ASAH2: variants seen among roughly 807,000 people sequenced by gnomAD.
ASAH2 encodes neutral ceramidase.
ASAH2 carries 58 observed loss-of-function variants against 82.9 expected under a neutral mutation model. The observed-to-expected ratio is 0.70, with a 90% CI of 0.57 to 0.87. ASAH2 has a LOEUF of 0.87. Ranked by LOEUF, ASAH2 falls within the 40% of genes least tolerant of loss-of-function variation. ASAH2 has a pLI of 0.00. For missense variants in ASAH2, 779 were observed against 834.0 expected, an observed-to-expected ratio of 0.93 and a Z score of 0.81; for synonymous variants, 276 against 289.7, an observed-to-expected ratio of 0.95 and a Z score of 0.48.
At chr10:50,231,058 A>AC (rs1736770715) in intron 7 of ASAH2, among the ~76,000 whole-genome samples, 1 of 151,934 alleles carries the variant, frequency 6.6e-6, no homozygotes, top group Admixed American at 6.6e-5. Context: ...AAAAAAAAAA[A>AC]AAGGTTCAAA....
At chr10:50,218,314 G>A (rs1395288250) in intron 8 of ASAH2, among the ~76,000 whole-genome samples, 196 bp downstream of exon 8, 2 of 152,122 alleles carry the variant, frequency 1.3e-5, no homozygotes, top group African/African-American at 4.8e-5. Context: ...AACACAAAAA[G>A]CAAATGGTTA....
intron 12 of ASAH2, among the ~76,000 whole-genome samples, chr10:50,206,578 A>ACACACACACACAC (rs1845304785): frequency 2.0e-5 from 3 of 150,558 alleles, no homozygotes; most frequent in African/African-American, 4.9e-5. Context: ...ACACACACAC[A>ACACACACACACAC]AAGCAGTAAA....
chr10:50,242,848 G>T lies in ASAH2; in HGVS notation c.510+354C>A, dbSNP rs372160014. On this transcript the variant is annotated intron_variant, in intron 4 of 20. Coordinates refer to ENST00000682911, the MANE Select transcript of ASAH2 (RefSeq NM_019893.4). ...CAATTGTCTGAGAACTTGAAGAAGT[G>T]CTTAGTGATTAATGGGTGCTCTCCC... 1.2e-4 allele frequency among the ~76,000 whole-genome samples: 19 copies of T among 152,242 alleles called. No individual in the cohort carries two copies. The East Asian group carries it at 3.7e-3, about 29-fold the overall frequency.
At chr10:50,202,369 G>C (rs1845172891) in intron 16 of ASAH2, among the ~76,000 whole-genome samples, 1 of 151,980 alleles carries the variant, frequency 6.6e-6, no homozygotes, top group Non-Finnish European at 1.5e-5. Context: ...CTGGGACTCT[G>C]TTTCTTGATA....
chr10:50,202,846 T>C lies in ASAH2; in HGVS notation c.1744A>G (p.Thr582Ala), dbSNP rs1291942814. 32 of 1,608,734 alleles carry C rather than the reference T, an allele frequency of 2.0e-5. No individual in the cohort carries two copies. Among genetic ancestry groups the C allele is most frequent in the East Asian group, 6.7e-5 (3 of 44,764 alleles). The change falls in exon 16 of 21, where the codon ACT becomes GCT. Residue 582 changes from threonine (T) to alanine (A), a missense_variant. Physicochemically the swap from Thr to Ala is moderately conservative, Grantham distance 58. Around this residue, in one of 3 missense-constraint regions of ASAH2, gnomAD observed 759 missense variants for 755.2 expected, o/e 1.00. Transcript: ENST00000682911. ...LCNVYTHYIT[T>A]YEEYQAQRYE... ...TGCTTTACCTGGTATTCTTCATAAG[T>C]GGTAATGTAATGTGTATAGACGTTG... is the stretch of plus-strand genomic sequence containing the variant.
chr10:50,219,816 G>A (rs1022510475), intron 7 of ASAH2, among the ~76,000 whole-genome samples: 1 of 152,234 alleles, frequency 6.6e-6, no homozygotes, highest in African/African-American at 2.4e-5. Flanking sequence ...ACACAAATGA[G>A]TCATGCTAGT....
chr10:50,224,259 G>A (rs887685310), intron 7 of ASAH2, among the ~76,000 whole-genome samples: 19 of 151,982 alleles, frequency 1.3e-4, no homozygotes, highest in Non-Finnish European at 2.4e-4. Context: ...TACCAAGAAT[G>A]GAATAAATGT....
At position 50,235,892 on chromosome 10, in the gene ASAH2, A is replaced by C; in HGVS notation, c.683T>G (p.Leu228Trp). The C allele has an allele frequency of 6.2e-7, 1 of 1,613,228 alleles. No homozygotes were observed. The highest frequency in any genetic ancestry group is 8.5e-7 in the Non-Finnish European group (1 of 1,179,306). The change falls in exon 5 of 21, where the codon TTG becomes TGG. Residue 228 changes from leucine to tryptophan, a missense_variant. Around this residue, in one of 3 missense-constraint regions of ASAH2, gnomAD observed 759 missense variants for 755.2 expected, o/e 1.00. Coordinates refer to ENST00000682911, the MANE Select transcript of ASAH2 (RefSeq NM_019893.4). ...QTFQHMVTGI[L>W]KSIDIAHTNM... ...CCTCTGGGGCTCTTTGCCTACCTTCAAGATACCAGTGACCATGTGCTGAAA... is the reference window on the plus strand; with the variant it reads ...CCTCTGGGGCTCTTTGCCTACCTTCCAGATACCAGTGACCATGTGCTGAAA...
At chr10:50,242,735 A>G (rs1437665562) in intron 4 of ASAH2, among the ~76,000 whole-genome samples, 1 of 152,114 alleles carries the variant, frequency 6.6e-6, no homozygotes, top group Non-Finnish European at 1.5e-5. Flanking sequence ...CTATGTGCCT[A>G]TTACCCAGCT....
intron 13 of ASAH2, 80 bp from the exon 14 acceptor site, chr10:50,205,035 T>C (rs1002437008): frequency 4.3e-6 from 4 of 922,686 alleles, no homozygotes; most frequent in Non-Finnish European, 4.9e-6. Flanking sequence ...TCCCAGAATT[T>C]CCTCTAGTTT....
At position 50,201,207 on chromosome 10, in the gene ASAH2, A is replaced by G. The variant is rs1462385949; in HGVS notation, c.1761+1622T>C. Among the ~76,000 whole-genome samples, 17 of 152,122 alleles carry G rather than the reference A, an allele frequency of 1.1e-4. No individual in the cohort carries two copies. In the South Asian group the frequency reaches 3.5e-3, roughly 32 times the overall value. The stretch of plus-strand genomic sequence containing the variant: ...ATTCATCCCACGGAGAGCTACCTCT[A>G]CCACTCAATAAAACCCTGAATTCAT... On this transcript the variant is annotated intron_variant, in intron 16 of 20. Transcript: ENST00000682911.
At chr10:50,207,457 A>G (rs939059906) in intron 12 of ASAH2, among the ~76,000 whole-genome samples, 3 of 151,824 alleles carry the variant, frequency 2.0e-5, no homozygotes, top group African/African-American at 4.8e-5. Context: ...CAGAGAGAAG[A>G]CTTAAATTAT....
At chr10:50,211,181 ATCATCTCCAACT>A in intron 10 of ASAH2, 47 bp from the exon 11 acceptor site, 1 of 1,337,262 alleles carries the variant, frequency 7.5e-7, no homozygotes, top group Non-Finnish European at 1.1e-6. Flanking sequence ...GGCTAAAGTG[ATCATCTCCAACT>A]GTACTCAGGA....
chr10:50,248,731 A>G, intron 1 of ASAH2, 85 bp from the exon 2 acceptor site: 1 of 1,062,684 alleles, frequency 9.4e-7, no homozygotes, highest in East Asian at 2.6e-5. Flanking sequence ...ATATTAATAG[A>G]CTATACCAAG....
At chr10:50,240,028 A>G (rs955275812) in intron 4 of ASAH2, among the ~76,000 whole-genome samples, 39 of 151,988 alleles carry the variant, frequency 2.6e-4, no homozygotes, top group African/African-American at 8.7e-4. Flanking sequence ...GGGTTTCACC[A>G]TGTTTGCCAG....
chr10:50,201,449 C>A (rs972214872), intron 16 of ASAH2, among the ~76,000 whole-genome samples: 7 of 152,070 alleles, frequency 4.6e-5, no homozygotes, highest in Non-Finnish European at 7.4e-5. Context: ...CCTGCCAGCA[C>A]CCAAAAGCAC....
chr10:50,241,303 T>G (rs912323533), intron 4 of ASAH2, among the ~76,000 whole-genome samples: 2 of 152,240 alleles, frequency 1.3e-5, no homozygotes, highest in South Asian at 2.1e-4. Flanking sequence ...TGGGGTAATT[T>G]CCTACTCAGT....
At chr10:50,214,618 A>T in intron 9 of ASAH2, 125 bp downstream of exon 9, 1 of 1,176,756 alleles carries the variant, frequency 8.5e-7, no homozygotes, top group African/African-American at 1.5e-5. Flanking sequence ...AGAAGAGCAG[A>T]TGCTAGGGAG....
chr10:50,244,023 T>C (rs138882582), intron 3 of ASAH2, among the ~76,000 whole-genome samples: 1 of 152,102 alleles, frequency 6.6e-6, no homozygotes, highest in African/African-American at 2.4e-5. Flanking sequence ...GCAGATTTAT[T>C]AGGCAAAGTA....
Sources: gnomAD v4.1 joint callset for allele counts (sites outside exome capture counted in the v4.1 genomes callset) on GRCh38, gnomAD v4.1.1 for gene constraint, gnomAD v4.1.1 regional missense constraint, MANE v1.5 for transcripts, NCBI Gene and HGNC (gene_info 2026-07-23, HGNC 2026-07-21) for gene names.